Variants in EFHC2 observed in about 807,000 individuals in gnomAD.
EFHC2 encodes EF-hand domain-containing family member C2.
Under a neutral mutation model 52.7 loss-of-function variants are expected in EFHC2, and 18 were observed. The observed-to-expected ratio is 0.34, with a 90% CI of 0.24 to 0.51. The LOEUF is 0.51. Ranked by LOEUF, EFHC2 falls within the 20% of genes least tolerant of loss-of-function variation. The probability of loss-of-function intolerance (pLI) is 0.97; values close to 1 mark genes in which losing one functional copy is unlikely to be tolerated. For missense variants in EFHC2, 513 were observed against 562.5 expected, an observed-to-expected ratio of 0.91 and a Z score of 0.89; for synonymous variants, 203 against 204.1, an observed-to-expected ratio of 0.99 and a Z score of 0.04.
At chrX:44,259,356 A>G (rs939341141) in intron 4 of EFHC2, among the ~76,000 whole-genome samples, 17 of 107,961 alleles carry the variant, frequency 1.6e-4, no homozygotes, top group Non-Finnish European at 2.3e-4. Flanking sequence ...ATGAGAACAC[A>G]TGGACACAGG....
rs1049299620 is a variant in EFHC2 at position 44,338,926 on chromosome X, C to G, written c.42+4621G>C. ...GAAAGAGCGGCCAGGCGCGGTGGCTCACGCCTGTAATCCCAGCACTTTGGG... is the reference window on the plus strand; with the variant it reads ...GAAAGAGCGGCCAGGCGCGGTGGCTGACGCCTGTAATCCCAGCACTTTGGG... On this transcript the variant is annotated intron_variant, in intron 1 of 14. Coordinates refer to ENST00000420999, the MANE Select transcript of EFHC2 (RefSeq NM_025184.4). Among the ~76,000 whole-genome samples the G allele has an allele frequency of 4.5e-5, 5 of 111,732 alleles. No homozygotes were observed. In the Admixed American group the frequency reaches 4.7e-4, roughly 11 times the overall value.
chrX:44,190,031 G>A (rs1045076969), intron 11 of EFHC2, among the ~76,000 whole-genome samples: 1 of 111,929 alleles, frequency 8.9e-6, no homozygotes, highest in Non-Finnish European at 1.9e-5. Context: ...TTCATCCTCA[G>A]CTACTCACTG....
chrX:44,318,433 A>C (rs376737082), intron 1 of EFHC2, among the ~76,000 whole-genome samples: 76 of 111,907 alleles, frequency 6.8e-4, no homozygotes, highest in African/African-American at 2.3e-3. Context: ...AAGTGATGAA[A>C]ATTTTCTTGA....
At chrX:44,261,618 A>T (rs1344237903) in intron 3 of EFHC2, among the ~76,000 whole-genome samples, 1 of 109,095 alleles carries the variant, frequency 9.2e-6, no homozygotes, top group Non-Finnish European at 1.9e-5. Context: ...GACGAAAAAT[A>T]CCAGACGCTG....
At chrX:44,302,168 C>T (rs1013186888) in intron 2 of EFHC2, among the ~76,000 whole-genome samples, 3 of 111,357 alleles carry the variant, frequency 2.7e-5, no homozygotes, top group Non-Finnish European at 5.7e-5. Context: ...ACATGATCAC[C>T]GACACTTAGT....
chrX:44,257,460 G>A lies in EFHC2; in HGVS notation c.606+3615C>T, dbSNP rs1444616733. ...CAGCAAAGTCTCAGGGTACAAAATC[G>A]ATGTGCAAAAATCACAAGCATTCCT... On this transcript the variant is annotated intron_variant, in intron 4 of 14. Transcript: ENST00000420999. 5.4e-5 allele frequency among the ~76,000 whole-genome samples: 6 copies of A among 111,665 alleles called. No homozygotes were observed. The East Asian group carries it at 1.4e-3, about 26-fold the overall frequency.
At chrX:44,298,375 C>T (rs1471328494) in intron 2 of EFHC2, among the ~76,000 whole-genome samples, 1 of 111,528 alleles carries the variant, frequency 9.0e-6, no homozygotes, top group Non-Finnish European at 1.9e-5. Context: ...CCATAAGATT[C>T]CGTTTATCTG....
intron 11 of EFHC2, among the ~76,000 whole-genome samples, chrX:44,203,594 T>C (rs2037023461): frequency 9.0e-6 from 1 of 110,792 alleles, no homozygotes; most frequent in Admixed American, 9.6e-5. Flanking sequence ...TGAGACTTCA[T>C]TTTTTTATTT....
rs1171425264 is a variant in EFHC2 at position 44,176,327 on chromosome X, A to G, written c.2007T>C (p.Pro669=). 2 of 1,201,764 alleles carry G rather than the reference A, an allele frequency of 1.7e-6. No individual in the cohort carries two copies. The highest frequency in any genetic ancestry group is 3.7e-5 in the South Asian group (2 of 53,965). ...AGGATTCTAGAAGATCATCACTCAA[A>G]GGTAATCTGGAGGATTTGCACAGCC... ...IKRLCKSSRL[P]LSDDLLESLL... is the part of the protein sequence containing the mutation. Residue 669 remains proline (P), a synonymous_variant, in exon 13 of 15, where the codon CCT becomes CCC. Coordinates refer to ENST00000420999, the MANE Select transcript of EFHC2 (RefSeq NM_025184.4).
intron 2 of EFHC2, among the ~76,000 whole-genome samples, chrX:44,281,509 C>T (rs1313085741): frequency 9.0e-6 from 1 of 111,699 alleles, no homozygotes; most frequent in African/African-American, 3.3e-5. Flanking sequence ...TGTATAGCCT[C>T]CTTCCTGTAA....
At chrX:44,246,146 A>G (rs1047336098) in intron 7 of EFHC2, among the ~76,000 whole-genome samples, 1 of 112,403 alleles carries the variant, frequency 8.9e-6, no homozygotes, top group Non-Finnish European at 1.9e-5. Flanking sequence ...AATTGCTGAG[A>G]CCAGATGAAC....
At chrX:44,178,602 C>T (rs1284854109) in intron 11 of EFHC2, 38 bp from the exon 12 acceptor site, 10 of 1,040,635 alleles carry the variant, frequency 9.6e-6, no homozygotes, top group African/African-American at 1.9e-5. Flanking sequence ...AAACTGATAT[C>T]TAAGAATACA....
At chrX:44,227,297 T>C (rs1055211057) in intron 11 of EFHC2, among the ~76,000 whole-genome samples, 6 of 111,399 alleles carry the variant, frequency 5.4e-5, no homozygotes, top group Non-Finnish European at 1.1e-4. Context: ...ACACGGGCTA[T>C]GTAGTTCCTT....
intron 4 of EFHC2, among the ~76,000 whole-genome samples, chrX:44,256,144 T>C (rs1417265228): frequency 8.9e-6 from 1 of 111,979 alleles, no homozygotes; most frequent in Non-Finnish European, 1.9e-5. Flanking sequence ...GGCAAATTTA[T>C]ATATTTAGTG....
In EFHC2 at chrX:44,272,856, A is replaced by G; in HGVS notation, c.232-20T>C. The G allele has an allele frequency of 8.9e-7, 1 of 1,121,725 alleles. No individual in the cohort carries two copies. The highest frequency in any genetic ancestry group is 1.2e-6 in the Non-Finnish European group (1 of 841,546). The allele number at this position is 1,121,725 out of a possible 1,213,427, so 92.4% of individuals were successfully genotyped here. A position where few individuals can be genotyped will look rare whatever the true frequency, so the allele number is the denominator to read the frequency against. On this transcript the variant is annotated intron_variant, in intron 2 of 14. Coordinates refer to ENST00000420999, the MANE Select transcript of EFHC2 (RefSeq NM_025184.4). ...TAATACCTGTTGGAATAATAATTAG[A>G]AACTAAGAAATGAAAAGAAAATTCA...
At chrX:44,307,536 G>A (rs887075387) in intron 2 of EFHC2, among the ~76,000 whole-genome samples, 2 of 111,783 alleles carry the variant, frequency 1.8e-5, no homozygotes, top group Non-Finnish European at 3.8e-5. Flanking sequence ...TTCAAATAGC[G>A]AATACAATTA....
chrX:44,213,082 C>CAAAAAA (rs57451313), intron 11 of EFHC2, among the ~76,000 whole-genome samples: 1 of 59,317 alleles, frequency 1.7e-5, no homozygotes, highest in Non-Finnish European at 3.2e-5. Context: ...TGCTAAAAGG[C>CAAAAAA]AAAAAAAAAA....
intron 2 of EFHC2, among the ~76,000 whole-genome samples, chrX:44,308,614 G>T (rs963769349): frequency 9.0e-6 from 1 of 111,003 alleles, no homozygotes; most frequent in African/African-American, 3.3e-5. Context: ...CTACTCAGAG[G>T]GGGCAGAGAA....
At chrX:44,335,615 T>C (rs1290051647) in intron 1 of EFHC2, among the ~76,000 whole-genome samples, 4 of 111,918 alleles carry the variant, frequency 3.6e-5, no homozygotes, top group Non-Finnish European at 7.5e-5. Flanking sequence ...AAAATTATTA[T>C]ATGGTTGTAT....
Sources: gnomAD v4.1 joint callset for allele counts (sites outside exome capture counted in the v4.1 genomes callset) on GRCh38, gnomAD v4.1.1 for gene constraint, MANE v1.5 for transcripts, NCBI Gene and HGNC (gene_info 2026-07-23, HGNC 2026-07-21) for gene names.